The following CAMK4 variants were observed in gnomAD, a reference collection of about 807,000 sequenced individuals.
The protein encoded by CAMK4 is calcium/calmodulin-dependent protein kinase type IV.
In CAMK4, 22 loss-of-function variants were observed where a neutral mutation model predicts 44.9. The ratio of observed to expected loss-of-function variants is 0.49; its 90% CI spans 0.35 to 0.70. CAMK4 has a LOEUF of 0.70. Ranked by LOEUF, CAMK4 falls within the 30% of genes least tolerant of loss-of-function variation. The probability of loss-of-function intolerance (pLI) is 0.01; values close to 1 mark genes in which losing one functional copy is unlikely to be tolerated. For synonymous variants in CAMK4, 218 were observed against 215.4 expected (o/e 1.01, Z -0.11); for missense variants, 498 against 586.8 (o/e 0.85, Z 1.56).
At chr5:111,410,541 T>C (rs1301047704) in intron 5 of CAMK4, among the ~76,000 whole-genome samples, 1 of 152,172 alleles carries the variant, frequency 6.6e-6, no homozygotes, top group African/African-American at 2.4e-5. Context: ...ATTGATTGTT[T>C]ATTGGAGGAT....
chr5:111,271,405 G>A (rs1750512649), intron 1 of CAMK4, among the ~76,000 whole-genome samples: 1 of 152,102 alleles, frequency 6.6e-6, no homozygotes, highest in Non-Finnish European at 1.5e-5. Flanking sequence ...TTGATGGAGG[G>A]CTGGAACATG....
intron 6 of CAMK4, among the ~76,000 whole-genome samples, chr5:111,447,202 T>C (rs1002763903): frequency 6.6e-6 from 1 of 152,198 alleles, no homozygotes; most frequent in Non-Finnish European, 1.5e-5. Context: ...TTAGTGAGTC[T>C]AGGCTTTGAG....
At chr5:111,297,310 A>G (rs1726686181) in intron 1 of CAMK4, among the ~76,000 whole-genome samples, 2 of 152,218 alleles carry the variant, frequency 1.3e-5, no homozygotes, top group Admixed American at 6.5e-5. Context: ...GTATGACTTA[A>G]TAACTCATTT....
At chr5:111,252,134 A>G (rs1017350459) in intron 1 of CAMK4, among the ~76,000 whole-genome samples, 1 of 152,198 alleles carries the variant, frequency 6.6e-6, no homozygotes, top group African/African-American at 2.4e-5. Context: ...TATTCATGGC[A>G]GCTCTGGGAA....
At chr5:111,390,018 A>T (rs1450566230) in intron 4 of CAMK4, among the ~76,000 whole-genome samples, 1 of 152,192 alleles carries the variant, frequency 6.6e-6, no homozygotes, top group Non-Finnish European at 1.5e-5. Context: ...GTATAGTCCC[A>T]TGAAGCATGT....
chr5:111,377,063 A>G (rs1751239662), intron 4 of CAMK4, 121 bp downstream of exon 4: 9 of 603,790 alleles, frequency 1.5e-5, no homozygotes, highest in Non-Finnish European at 2.3e-5. Flanking sequence ...GATAAATACT[A>G]CTAAAAAAAG....
chr5:111,349,841 G>A lies in CAMK4; in HGVS notation c.240+5739G>A, dbSNP rs552679669. ...TAGTATCTCTAGAATTTTGGAAACAGATATTTGAACTTCAGAATTCAGATG... is the reference window on the plus strand; with the variant it reads ...TAGTATCTCTAGAATTTTGGAAACAAATATTTGAACTTCAGAATTCAGATG... On this transcript the variant is annotated intron_variant, in intron 2 of 10. Transcript: ENST00000282356. Among the ~76,000 whole-genome samples the A allele has an allele frequency of 7.9e-5, 12 of 152,050 alleles. No individual in the cohort carries two copies. The East Asian group carries it at 2.1e-3, about 27-fold the overall frequency.
At chr5:111,243,798 T>C (rs1461237105) in intron 1 of CAMK4, among the ~76,000 whole-genome samples, 4 of 152,220 alleles carry the variant, frequency 2.6e-5, no homozygotes, top group Non-Finnish European at 5.9e-5. Flanking sequence ...AGCCTCGTAA[T>C]GTAAAAAATA....
At chr5:111,460,374 C>T (rs1754602641) in intron 7 of CAMK4, among the ~76,000 whole-genome samples, 1 of 148,254 alleles carries the variant, frequency 6.7e-6, no homozygotes, top group Non-Finnish European at 1.5e-5. Context: ...CAGGTTCAAG[C>T]AATTCTCCTG....
chr5:111,319,714 C>G (rs1313558460), intron 1 of CAMK4, among the ~76,000 whole-genome samples: 1 of 152,098 alleles, frequency 6.6e-6, no homozygotes, highest in African/African-American at 2.4e-5. Flanking sequence ...GAAAGCATAT[C>G]CAGTTTTGAT....
chr5:111,349,031 A>G (rs1050140666), intron 2 of CAMK4, among the ~76,000 whole-genome samples: 1 of 152,044 alleles, frequency 6.6e-6, no homozygotes, highest in African/African-American at 2.4e-5. Context: ...ATTAATGAGG[A>G]TAAAGCTTTC....
In CAMK4 at chr5:111,398,192, A is replaced by G. The variant is rs1420730094; in HGVS notation, c.459+3410A>G. ...CTTAACCATCTTGCATTAGCATATT[A>G]AAGTAAAAACCTAAATCTGACTCAA... On this transcript the variant is annotated intron_variant, in intron 5 of 10. Transcript: ENST00000282356. Among the ~76,000 whole-genome samples, 6 of 152,244 alleles carry G rather than the reference A, an allele frequency of 3.9e-5. No homozygotes were observed. In the South Asian group the frequency reaches 1.0e-3, roughly 26 times the overall value.
At chr5:111,410,459 G>A (rs964779222) in intron 5 of CAMK4, among the ~76,000 whole-genome samples, 1 of 152,114 alleles carries the variant, frequency 6.6e-6, no homozygotes, top group Non-Finnish European at 1.5e-5. Context: ...TGAGATTTGG[G>A]TAGAGACACA....
At chr5:111,410,663 G>A (rs1279019189) in intron 5 of CAMK4, among the ~76,000 whole-genome samples, 1 of 152,150 alleles carries the variant, frequency 6.6e-6, no homozygotes, top group South Asian at 2.1e-4. Flanking sequence ...TGGGCGTGAT[G>A]TGAATTTACT....
chr5:111,454,591 A>C (rs927754921), intron 7 of CAMK4, among the ~76,000 whole-genome samples: 1 of 149,296 alleles, frequency 6.7e-6, no homozygotes, highest in Non-Finnish European at 1.5e-5. Context: ...TGAAGAGTTC[A>C]GTGTTGAAGG....
chr5:111,429,477 G>A (rs183335270), intron 5 of CAMK4, among the ~76,000 whole-genome samples: 7 of 150,038 alleles, frequency 4.7e-5, no homozygotes, highest in African/African-American at 1.8e-4. Flanking sequence ...TAATGAAATC[G>A]AAGCCATGGC....
intron 1 of CAMK4, among the ~76,000 whole-genome samples, chr5:111,264,519 G>T (rs558109422): frequency 1.3e-5 from 2 of 152,174 alleles, no homozygotes; most frequent in Non-Finnish European, 2.9e-5. Flanking sequence ...CCTTTATTCA[G>T]TGTCGTTTGT....
chr5:111,255,848 C>G (rs1395600874), intron 1 of CAMK4, among the ~76,000 whole-genome samples: 1 of 152,150 alleles, frequency 6.6e-6, no homozygotes, highest in Non-Finnish European at 1.5e-5. Context: ...AAAATGCCAA[C>G]TTCTCCCAGT....
intron 4 of CAMK4, among the ~76,000 whole-genome samples, chr5:111,388,210 T>G (rs932822826): frequency 3.9e-5 from 6 of 152,276 alleles, no homozygotes; most frequent in African/African-American, 1.2e-4. Flanking sequence ...GCACTTGAGT[T>G]TTGTGCCCTT....
Sources: allele counts gnomAD v4.1 joint callset (sites outside exome capture counted in the v4.1 genomes callset), GRCh38; gene constraint gnomAD v4.1.1; transcripts MANE v1.5; gene names NCBI Gene and HGNC (gene_info 2026-07-23, HGNC 2026-07-21).